The following ATP6V1H variants were observed in gnomAD, a reference collection of about 807,000 sequenced individuals.
ATP6V1H encodes the protein V-type proton ATPase subunit H.
ATP6V1H carries 39 observed loss-of-function variants against 71.7 expected under a neutral mutation model. The observed-to-expected ratio is 0.54, with a 90% confidence interval of 0.42 to 0.71. The LOEUF (loss-of-function observed/expected upper bound fraction) is 0.71, where lower values mean the gene tolerates loss of function less well. Ranked by LOEUF, ATP6V1H falls within the 30% of genes least tolerant of loss-of-function variation. ATP6V1H has a pLI of 0.00. For synonymous variants in ATP6V1H, 192 were observed against 199.3 expected, an observed-to-expected ratio of 0.96 and a Z score of 0.31; for missense variants, 509 against 594.9, an observed-to-expected ratio of 0.86 and a Z score of 1.50.
At chr8:53,802,547 C>T (rs1301153076) in intron 7 of ATP6V1H, among the ~76,000 whole-genome samples, 7 of 151,974 alleles carry the variant, frequency 4.6e-5, no homozygotes, top group Non-Finnish European at 2.9e-5. Flanking sequence ...GGTGAAACCC[C>T]ATATCTACTA....
chr8:53,762,678 G>A (rs1451839220), intron 11 of ATP6V1H, among the ~76,000 whole-genome samples: 1 of 152,084 alleles, frequency 6.6e-6, no homozygotes, highest in African/African-American at 2.4e-5. Context: ...GCATAGGAGA[G>A]GTTCTAACCA....
chr8:53,758,540 A>G (rs1313887922), intron 11 of ATP6V1H, among the ~76,000 whole-genome samples: 1 of 152,230 alleles, frequency 6.6e-6, no homozygotes, highest in African/African-American at 2.4e-5. Flanking sequence ...AATTCTTGGC[A>G]AACGACTTAG....
chr8:53,751,268 G>A lies in ATP6V1H; in HGVS notation c.1277+5287C>T, dbSNP rs374750088. Among the ~76,000 whole-genome samples, 58 of 152,284 alleles carry A rather than the reference G, an allele frequency of 3.8e-4. No homozygotes were observed. The South Asian group carries it at 8.7e-3, about 23-fold the overall frequency. ...TATAATCTGAATATCTCAAACTCTG[G>A]ACAAGTTTCTAACTCTTGCATGATC... On this transcript the variant is annotated intron_variant, in intron 12 of 13. Transcript: ENST00000359530.
At chr8:53,760,353 G>C (rs900765364) in intron 11 of ATP6V1H, among the ~76,000 whole-genome samples, 2 of 152,130 alleles carry the variant, frequency 1.3e-5, no homozygotes, top group Non-Finnish European at 2.9e-5. Flanking sequence ...CCCCTCCCAA[G>C]TGCTGGCAGG....
At chr8:53,747,090 TTTTG>T (rs1807628355) in intron 12 of ATP6V1H, among the ~76,000 whole-genome samples, 3 of 152,200 alleles carry the variant, frequency 2.0e-5, no homozygotes, top group African/African-American at 7.2e-5. Flanking sequence ...ACAGAACTAT[TTTTG>T]TTTGTTCTAA....
intron 4 of ATP6V1H, among the ~76,000 whole-genome samples, chr8:53,821,665 C>A (rs1810667717): frequency 6.6e-6 from 1 of 150,774 alleles, no homozygotes; most frequent in Non-Finnish European, 1.5e-5. Flanking sequence ...CTAGCCGAGG[C>A]AACAAAGTGA....
chr8:53,809,832 T>A (rs1198630878), intron 7 of ATP6V1H, among the ~76,000 whole-genome samples: 1 of 152,224 alleles, frequency 6.6e-6, no homozygotes, highest in East Asian at 1.9e-4. Flanking sequence ...CTGCTTCTGA[T>A]TGAGAAACGA....
At chr8:53,769,916 C>T (rs772928546) in intron 10 of ATP6V1H, among the ~76,000 whole-genome samples, 173 bp from the exon 11 acceptor site, 4 of 152,082 alleles carry the variant, frequency 2.6e-5, no homozygotes, top group Non-Finnish European at 4.4e-5. Context: ...TTTAATAAAT[C>T]ATGTGAAATT....
chr8:53,823,950 ACT>A (rs1482377407), intron 4 of ATP6V1H, among the ~76,000 whole-genome samples: 8 of 151,874 alleles, frequency 5.3e-5, no homozygotes, highest in East Asian at 1.9e-4. Context: ...GAAAATCCTG[ACT>A]CTGAAAAAAA....
intron 9 of ATP6V1H, among the ~76,000 whole-genome samples, chr8:53,791,066 A>G (rs1809549535): frequency 6.6e-6 from 1 of 152,178 alleles, no homozygotes. Context: ...GTAGAATTAA[A>G]AAAAAGGAAA....
chr8:53,807,441 GAA>G (rs879540074), intron 7 of ATP6V1H, among the ~76,000 whole-genome samples: 1 of 141,458 alleles, frequency 7.1e-6, no homozygotes, highest in Non-Finnish European at 1.6e-5. Context: ...TCTCTACTTA[GAA>G]AAAAAAAAAA....
At chr8:53,733,846 T>C (rs1402403019) in intron 13 of ATP6V1H, among the ~76,000 whole-genome samples, 1 of 152,138 alleles carries the variant, frequency 6.6e-6, no homozygotes, top group African/African-American at 2.4e-5. Flanking sequence ...GCCCCAGCCC[T>C]GGGTCTGCCT....
chr8:53,769,411 G>A (rs918785836), intron 11 of ATP6V1H, among the ~76,000 whole-genome samples: 3 of 152,092 alleles, frequency 2.0e-5, no homozygotes, highest in Non-Finnish European at 4.4e-5. Context: ...CCTGTAGAAG[G>A]AAAGAAAATA....
At chr8:53,838,593 C>A (rs997588728) in intron 2 of ATP6V1H, among the ~76,000 whole-genome samples, 1 of 152,030 alleles carries the variant, frequency 6.6e-6, no homozygotes, top group Non-Finnish European at 1.5e-5. Flanking sequence ...TGATAAAAGT[C>A]TGTTTCCTCA....
chr8:53,836,048 T>C (rs912707634), intron 2 of ATP6V1H, among the ~76,000 whole-genome samples: 5 of 152,198 alleles, frequency 3.3e-5, no homozygotes, highest in Non-Finnish European at 7.3e-5. Context: ...ACAGACACTT[T>C]GCCCACTTTC....
chr8:53,800,209 C>T (rs1809864334), intron 8 of ATP6V1H, among the ~76,000 whole-genome samples: 1 of 152,178 alleles, frequency 6.6e-6, no homozygotes, highest in African/African-American at 2.4e-5. Context: ...ACGTGGATTC[C>T]TCCATACTCA....
intron 9 of ATP6V1H, among the ~76,000 whole-genome samples, chr8:53,773,063 G>C (rs1053477391): frequency 6.6e-6 from 1 of 152,074 alleles, no homozygotes; most frequent in Non-Finnish European, 1.5e-5. Context: ...TGAAATCAAT[G>C]CCCACCAATC....
chr8:53,814,692 G>A lies in ATP6V1H; in HGVS notation c.495C>T (p.Phe165=). 6.2e-7 allele frequency: 1 copy of A among 1,611,400 alleles called. No homozygotes were observed. The highest frequency in any genetic ancestry group is 8.5e-7 in the Non-Finnish European group (1 of 1,178,838). Residue 165 remains phenylalanine, a synonymous_variant, in exon 6 of 14, where the codon TTC becomes TTT. Coordinates refer to ENST00000359530, the MANE Select transcript of ATP6V1H (RefSeq NM_015941.4). The stretch of plus-strand genomic sequence containing the variant: ...AACTCAGCTGAGTTTTTATCCAATT[G>A]AAATAGTAATTTAAGTCACTGCCTT... The part of the protein sequence containing the change: ...LMEGSDLNYY[F]NWIKTQLSSQ...
chr8:53,725,515 TG>T (rs1806782763), intron 13 of ATP6V1H, among the ~76,000 whole-genome samples: 1 of 149,606 alleles, frequency 6.7e-6, no homozygotes, highest in Non-Finnish European at 1.5e-5. Flanking sequence ...GCAGCAGTCT[TG>T]ACTCAATTTC....
Sources: allele counts gnomAD v4.1 joint callset (sites outside exome capture counted in the v4.1 genomes callset), GRCh38; gene constraint gnomAD v4.1.1; transcripts MANE v1.5; gene names NCBI Gene and HGNC (gene_info 2026-07-23, HGNC 2026-07-21).